LDB2: variants seen among roughly 807,000 people sequenced by gnomAD.
LDB2 encodes the protein LIM domain binding 2.
In LDB2, 12 loss-of-function variants were observed where a neutral mutation model predicts 44.3. The observed-to-expected ratio is 0.27, with a 90% CI of 0.17 to 0.44. The LOEUF is 0.44. Ranked by LOEUF, LDB2 falls within the 20% of genes least tolerant of loss-of-function variation. The pLI is 1.00. For missense variants in LDB2, 344 were observed against 473.5 expected, an observed-to-expected ratio of 0.73 and a Z score of 2.54; for synonymous variants, 164 against 174.8, an observed-to-expected ratio of 0.94 and a Z score of 0.49.
intron 1 of LDB2, among the ~76,000 whole-genome samples, chr4:16,759,539 CA>C (rs1044916151): frequency 6.6e-6 from 1 of 152,164 alleles, no homozygotes; most frequent in Non-Finnish European, 1.5e-5. Context: ...CTATAAAACA[CA>C]ATGTGATGTT....
chr4:16,542,745 C>A (rs1734280844), intron 5 of LDB2, among the ~76,000 whole-genome samples: 1 of 147,212 alleles, frequency 6.8e-6, no homozygotes, highest in African/African-American at 2.6e-5. Context: ...AACCAATTTA[C>A]AAATGGTTTT....
intron 2 of LDB2, among the ~76,000 whole-genome samples, chr4:16,668,371 C>T (rs1179029566): frequency 1.3e-5 from 2 of 152,170 alleles, no homozygotes; most frequent in African/African-American, 4.8e-5. Context: ...GTTCTGCCCT[C>T]TGGGGCGACA....
At chr4:16,628,688 C>T (rs561847973) in intron 2 of LDB2, among the ~76,000 whole-genome samples, 11 of 152,068 alleles carry the variant, frequency 7.2e-5, no homozygotes, top group East Asian at 1.9e-4. Context: ...GCGAGATAGA[C>T]GCAGAAGATG....
intron 5 of LDB2, among the ~76,000 whole-genome samples, chr4:16,526,594 T>A (rs1728330024): frequency 1.3e-5 from 2 of 152,210 alleles, no homozygotes; most frequent in Non-Finnish European, 2.9e-5. Context: ...TGGTGAACCC[T>A]GACTAACATG....
intron 5 of LDB2, among the ~76,000 whole-genome samples, chr4:16,523,919 C>T (rs554663445): frequency 1.3e-5 from 2 of 152,306 alleles, no homozygotes; most frequent in African/African-American, 4.8e-5. Flanking sequence ...ACTAATATTA[C>T]GCCCTAGCTA....
chr4:16,703,412 A>C (rs1472516396), intron 2 of LDB2, among the ~76,000 whole-genome samples: 1 of 152,132 alleles, frequency 6.6e-6, no homozygotes, highest in Non-Finnish European at 1.5e-5. Flanking sequence ...CCTGGGGGAG[A>C]ATGATGTGGT....
chr4:16,783,809 G>A (rs1431668944), intron 1 of LDB2, among the ~76,000 whole-genome samples: 4 of 152,192 alleles, frequency 2.6e-5, no homozygotes, highest in African/African-American at 9.7e-5. Flanking sequence ...TGTTTCTAAA[G>A]GGATTTGAGT....
intron 2 of LDB2, among the ~76,000 whole-genome samples, chr4:16,731,463 T>C (rs1449460979): frequency 6.6e-6 from 1 of 152,108 alleles, no homozygotes; most frequent in Non-Finnish European, 1.5e-5. Flanking sequence ...ATCAGTACCC[T>C]TATAAGGGAC....
At chr4:16,555,709 C>T (rs144153008) in intron 5 of LDB2, among the ~76,000 whole-genome samples, 1 of 152,314 alleles carries the variant, frequency 6.6e-6, no homozygotes, top group Non-Finnish European at 1.5e-5. Context: ...TGGAGGCTCT[C>T]CTCTCTGAGC....
intron 2 of LDB2, among the ~76,000 whole-genome samples, chr4:16,702,191 A>C (rs1401535235): frequency 6.6e-6 from 1 of 152,238 alleles, no homozygotes; most frequent in Non-Finnish European, 1.5e-5. Context: ...GGGCTGCTGG[A>C]AAGAGATCAG....
rs532448832 is a variant in LDB2, at chr4:16,574,961, T to C, written c.615+10961A>G. On this transcript the variant is annotated intron_variant, in intron 5 of 7. Transcript: ENST00000304523. Reference sequence around the variant, plus strand: ...GACTCCAAAACACATTTATTTGTCTTCTTCTTATTATTATTCCTATTATTA... The same window carrying C: ...GACTCCAAAACACATTTATTTGTCTCCTTCTTATTATTATTCCTATTATTA... Among the ~76,000 whole-genome samples the C allele has an allele frequency of 2.7e-4, 41 of 151,036 alleles. 3 individuals are homozygous for C. Among genetic ancestry groups the C allele is most frequent in the East Asian group, 2.7e-3 (14 of 5,188 alleles).
chr4:16,599,088 A>T (rs1239610423), intron 2 of LDB2, among the ~76,000 whole-genome samples: 1 of 152,124 alleles, frequency 6.6e-6, no homozygotes, highest in Non-Finnish European at 1.5e-5. Flanking sequence ...GAGATTAAAA[A>T]GGTGTCAGAG....
chr4:16,888,755 G>A (rs543591000), intron 1 of LDB2: 12 of 971,506 alleles, frequency 1.2e-5, no homozygotes, highest in Admixed American at 6.2e-5. Context: ...CAATGATGTG[G>A]CACCTATCAT....
intron 2 of LDB2, among the ~76,000 whole-genome samples, chr4:16,727,767 T>A (rs1395482874): frequency 2.6e-5 from 4 of 152,232 alleles, no homozygotes; most frequent in African/African-American, 9.6e-5. Context: ...GAAGTTTGAT[T>A]AAGTCTTCAT....
chr4:16,762,625 A>G (rs1383974690), intron 1 of LDB2, among the ~76,000 whole-genome samples: 1 of 152,178 alleles, frequency 6.6e-6, no homozygotes, highest in Non-Finnish European at 1.5e-5. Context: ...AACCACCCCC[A>G]TGATTCAATT....
At chr4:16,676,212 T>G (rs951492667) in intron 2 of LDB2, among the ~76,000 whole-genome samples, 5 of 152,234 alleles carry the variant, frequency 3.3e-5, no homozygotes, top group Non-Finnish European at 1.5e-5. Context: ...ATGAATTTCT[T>G]CTTTGTTGCT....
chr4:16,599,259 G>A (rs1464374820), intron 2 of LDB2, among the ~76,000 whole-genome samples: 1 of 152,116 alleles, frequency 6.6e-6, no homozygotes, highest in African/African-American at 2.4e-5. Flanking sequence ...GAGGTTCTCA[G>A]GGAGAATCTA....
chr4:16,608,763 G>T (rs553038225), intron 2 of LDB2, among the ~76,000 whole-genome samples: 31 of 152,102 alleles, frequency 2.0e-4, no homozygotes, highest in Non-Finnish European at 3.5e-4. Context: ...ATCTCTGAAC[G>T]GTCTGCACTC....
In LDB2 at chr4:16,759,453, A is replaced by G. The variant is rs192382179; in HGVS notation, c.133-193T>C. On this transcript the variant is annotated intron_variant, in intron 1 of 7. Transcript: ENST00000304523. ...TGCCTCAAATAGGAACCAAATTCCAATTCAATAAGTGAGCTCAAACCAATC... is the reference window on the plus strand; with the variant it reads ...TGCCTCAAATAGGAACCAAATTCCAGTTCAATAAGTGAGCTCAAACCAATC... 3,432 of 561,932 alleles carry G rather than the reference A, an allele frequency of 6.1e-3. 38 individuals are homozygous for G. Among genetic ancestry groups the G allele is most frequent in the Admixed American group, 6.0e-3 (189 of 31,436 alleles). The allele number at this position is 561,932 out of a possible 1,614,324, so 34.8% of individuals were successfully genotyped here. A position where few individuals can be genotyped will look rare whatever the true frequency, so the allele number is the denominator to read the frequency against.
Sources: gnomAD v4.1 joint callset for allele counts (sites outside exome capture counted in the v4.1 genomes callset) on GRCh38, gnomAD v4.1.1 for gene constraint, MANE v1.5 for transcripts, NCBI Gene and HGNC (gene_info 2026-07-23, HGNC 2026-07-21) for gene names.